The following TAFA1 variants were observed in gnomAD, a reference collection of about 807,000 sequenced individuals.
The protein encoded by TAFA1 is TAFA chemokine like family member 1.
TAFA1 carries 4 observed loss-of-function variants against 18.5 expected under a neutral mutation model. That is an observed-to-expected ratio of 0.22 (90% CI 0.11 to 0.49). TAFA1 has a LOEUF of 0.49. Among genes scored for constraint, TAFA1 ranks in the 20% least tolerant of loss-of-function variants. The pLI, the probability that TAFA1 is intolerant of heterozygous loss-of-function variation, is 0.98. For synonymous variants in TAFA1, 56 were observed against 55.2 expected, an observed-to-expected ratio of 1.01 and a Z score of -0.06; for missense variants, 147 against 169.0, an observed-to-expected ratio of 0.87 and a Z score of 0.72.
chr3:68,450,147 A>G (rs547171871), intron 3 of TAFA1, among the ~76,000 whole-genome samples: 1 of 152,226 alleles, frequency 6.6e-6, no homozygotes, highest in Non-Finnish European at 1.5e-5. Flanking sequence ...CAAACAATCC[A>G]TTGGAGACAA....
chr3:68,371,220 T>C (rs2069700636), intron 2 of TAFA1, among the ~76,000 whole-genome samples: 1 of 152,186 alleles, frequency 6.6e-6, no homozygotes, highest in Admixed American at 6.5e-5. Flanking sequence ...TTTTTTCATT[T>C]TTATTTTACT....
intron 2 of TAFA1, among the ~76,000 whole-genome samples, chr3:68,141,863 C>A (rs1022857145): frequency 1.1e-4 from 17 of 152,312 alleles, no homozygotes; most frequent in African/African-American, 4.1e-4. Context: ...CCTATTTATT[C>A]CTTAAGGCAG....
chr3:67,995,585 T>C, the TAFA1 span, among the ~76,000 whole-genome samples: 2 of 152,180 alleles, frequency 1.3e-5, no homozygotes, highest in East Asian at 1.9e-4. Context: ...CTCCCAGAGA[T>C]ACCACATGTT....
At chr3:68,365,834 T>C (rs2069557640) in intron 2 of TAFA1, among the ~76,000 whole-genome samples, 1 of 152,092 alleles carries the variant, frequency 6.6e-6, no homozygotes, top group Non-Finnish European at 1.5e-5. Flanking sequence ...ATGCCTGTAC[T>C]CCCAGCACTT....
At chr3:68,270,170 C>T (rs781395748) in intron 2 of TAFA1, among the ~76,000 whole-genome samples, 2 of 152,116 alleles carry the variant, frequency 1.3e-5, no homozygotes, top group Non-Finnish European at 2.9e-5. Context: ...ATACAAGTTC[C>T]GGCACTAACT....
At chr3:68,464,724 GC>G (rs1277448178) in intron 3 of TAFA1, among the ~76,000 whole-genome samples, 1 of 152,168 alleles carries the variant, frequency 6.6e-6, no homozygotes, top group African/African-American at 2.4e-5. Context: ...AAGTAATGTA[GC>G]CAATGCCTGC....
chr3:68,210,310 A>G (rs995238326), intron 2 of TAFA1, among the ~76,000 whole-genome samples: 2 of 151,972 alleles, frequency 1.3e-5, no homozygotes, highest in Admixed American at 1.3e-4. Context: ...AGTTGGCCCT[A>G]CAGATGCCTC....
At chr3:68,265,450 C>A (rs769881611) in intron 2 of TAFA1, among the ~76,000 whole-genome samples, 7 of 152,180 alleles carry the variant, frequency 4.6e-5, no homozygotes, top group Admixed American at 3.3e-4. Context: ...AGCATCCTAC[C>A]AAGACCAGCT....
intron 2 of TAFA1, among the ~76,000 whole-genome samples, chr3:68,139,532 C>G (rs973688281): frequency 3.3e-5 from 5 of 152,004 alleles, no homozygotes; most frequent in African/African-American, 1.2e-4. Context: ...TCCTTATTCT[C>G]TTCTTTAAAA....
At chr3:68,456,023 T>C (rs1426770843) in intron 3 of TAFA1, among the ~76,000 whole-genome samples, 2 of 152,178 alleles carry the variant, frequency 1.3e-5, no homozygotes, top group Non-Finnish European at 2.9e-5. Context: ...GTTGAACTAA[T>C]AATGGAATTC....
intron 3 of TAFA1, among the ~76,000 whole-genome samples, chr3:68,488,620 G>C (rs968915790): frequency 6.6e-6 from 1 of 152,084 alleles, no homozygotes; most frequent in Non-Finnish European, 1.5e-5. Context: ...AATTCCCTAG[G>C]CTTCAATTTT....
intron 2 of TAFA1, among the ~76,000 whole-genome samples, chr3:68,205,766 A>C (rs2066519674): frequency 6.6e-6 from 1 of 151,914 alleles, no homozygotes; most frequent in South Asian, 2.1e-4. Context: ...AAGAAGGAAA[A>C]AGAACAATTA....
At chr3:68,420,854 C>T (rs934854275) in intron 3 of TAFA1, among the ~76,000 whole-genome samples, 24 of 152,122 alleles carry the variant, frequency 1.6e-4, no homozygotes, top group Non-Finnish European at 2.4e-4. Context: ...CAGTGAGCAC[C>T]TCTAATGCAG....
chr3:68,308,302 C>A (rs1009566089), intron 2 of TAFA1, among the ~76,000 whole-genome samples: 1 of 152,114 alleles, frequency 6.6e-6, no homozygotes, highest in Non-Finnish European at 1.5e-5. Flanking sequence ...ATACTGTAAG[C>A]TATTGCTCTT....
At chr3:68,421,964 T>A (rs1179572907) in intron 3 of TAFA1, among the ~76,000 whole-genome samples, 1 of 152,104 alleles carries the variant, frequency 6.6e-6, no homozygotes, top group Non-Finnish European at 1.5e-5. Context: ...TGCATGTTTA[T>A]AATAGGAATT....
At chr3:68,440,202 A>T (rs986610665) in intron 3 of TAFA1, among the ~76,000 whole-genome samples, 29 of 152,048 alleles carry the variant, frequency 1.9e-4, no homozygotes, top group Admixed American at 6.6e-5. Context: ...TAAAAACAGA[A>T]GTTTCCCTGC....
intron 2 of TAFA1, among the ~76,000 whole-genome samples, chr3:68,113,058 T>G (rs892314776): frequency 2.0e-5 from 3 of 152,176 alleles, no homozygotes; most frequent in African/African-American, 2.4e-5. Flanking sequence ...TTTTAGAAAT[T>G]GGTGAGCTGA....
At chr3:68,096,853 G>A (rs565453867) in intron 2 of TAFA1, among the ~76,000 whole-genome samples, 2 of 152,284 alleles carry the variant, frequency 1.3e-5, no homozygotes, top group South Asian at 2.1e-4. Context: ...AGAAGTGAGA[G>A]TTTGGGAAAG....
intron 2 of TAFA1, among the ~76,000 whole-genome samples, chr3:68,222,868 T>A (rs1416983247): frequency 1.3e-5 from 2 of 152,034 alleles, no homozygotes; most frequent in Non-Finnish European, 2.9e-5. Context: ...AGATGGGGTT[T>A]TACCATCTTG....
Sources: gnomAD v4.1 joint callset for allele counts (sites outside exome capture counted in the v4.1 genomes callset) on GRCh38, gnomAD v4.1.1 for gene constraint, MANE v1.5 for transcripts, NCBI Gene and HGNC (gene_info 2026-07-23, HGNC 2026-07-21) for gene names.